Variants in SNTG1 observed in about 807,000 individuals in gnomAD.
SNTG1 encodes the protein gamma-1-syntrophin.
Under a neutral mutation model 74.7 loss-of-function variants are expected in SNTG1, and 39 were observed. The ratio of observed to expected loss-of-function variants is 0.52; its 90% confidence interval spans 0.40 to 0.68. The LOEUF (loss-of-function observed/expected upper bound fraction) is 0.68. Ranked by LOEUF, SNTG1 falls within the 30% of genes least tolerant of loss-of-function variation. The pLI, the probability that SNTG1 is intolerant of heterozygous loss-of-function variation, is 0.00. For synonymous variants in SNTG1, 254 were observed against 217.1 expected (o/e 1.17, Z -1.49); for missense variants, 685 against 609.5 (o/e 1.12, Z -1.30).
intron 1 of SNTG1, among the ~76,000 whole-genome samples, chr8:50,001,047 G>A (rs554996073): frequency 1.6e-4 from 24 of 152,310 alleles, no homozygotes; most frequent in African/African-American, 5.1e-4. Flanking sequence ...TCAGTCATAC[G>A]CCACTGCATT....
intron 8 of SNTG1, among the ~76,000 whole-genome samples, chr8:50,481,148 C>A (rs551123673): frequency 6.6e-6 from 1 of 152,110 alleles, no homozygotes; most frequent in African/African-American, 2.4e-5. Context: ...TTTGGGAAGC[C>A]GAGGCGGGTG....
At chr8:50,625,811 T>G (rs367942697) in intron 13 of SNTG1, among the ~76,000 whole-genome samples, 27 of 152,354 alleles carry the variant, frequency 1.8e-4, no homozygotes, top group African/African-American at 5.8e-4. Context: ...AAATTTGTCA[T>G]AAAATTCTTA....
chr8:50,544,962 A>T (rs1441137114), intron 11 of SNTG1, among the ~76,000 whole-genome samples: 5 of 152,010 alleles, frequency 3.3e-5, no homozygotes, highest in African/African-American at 1.2e-4. Context: ...ATATGTATAT[A>T]TGAATGTAAT....
intron 13 of SNTG1, among the ~76,000 whole-genome samples, chr8:50,594,944 A>G (rs546143585): frequency 7.2e-5 from 11 of 151,962 alleles, no homozygotes; most frequent in Non-Finnish European, 1.2e-4. Context: ...TGGCTTACAT[A>G]ATAATGATGC....
intron 8 of SNTG1, among the ~76,000 whole-genome samples, chr8:50,457,331 C>T (rs1327268297): frequency 1.3e-5 from 2 of 152,164 alleles, no homozygotes; most frequent in Non-Finnish European, 2.9e-5. Context: ...AACGCATCCA[C>T]ACTGGCTCAG....
chr8:50,642,245 T>C (rs2095078071), intron 13 of SNTG1, among the ~76,000 whole-genome samples: 1 of 152,192 alleles, frequency 6.6e-6, no homozygotes, highest in Non-Finnish European at 1.5e-5. Flanking sequence ...TCTAAAGCCT[T>C]CCCTGCTGCC....
At chr8:50,165,787 AT>A (rs1372660805) in intron 1 of SNTG1, among the ~76,000 whole-genome samples, 3 of 152,210 alleles carry the variant, frequency 2.0e-5, no homozygotes, top group Admixed American at 1.3e-4. Flanking sequence ...ACCAATGGGC[AT>A]TACTAGTTGA....
intron 2 of SNTG1, among the ~76,000 whole-genome samples, chr8:50,256,812 G>A (rs1326092689): frequency 1.3e-5 from 2 of 152,036 alleles, no homozygotes; most frequent in African/African-American, 4.8e-5. Context: ...GTCTGTGTGT[G>A]TGTAGTTTCT....
intron 2 of SNTG1, among the ~76,000 whole-genome samples, chr8:50,353,346 T>C (rs978278106): frequency 7.2e-5 from 11 of 152,068 alleles, no homozygotes. Context: ...ATGGCGCATG[T>C]ATACATGTGT....
At chr8:50,590,264 T>G (rs2094683201) in intron 12 of SNTG1, among the ~76,000 whole-genome samples, 1 of 152,186 alleles carries the variant, frequency 6.6e-6, no homozygotes, top group Non-Finnish European at 1.5e-5. Flanking sequence ...GAAGAAAGAC[T>G]TTGTGTAATG....
At chr8:50,553,022 T>C (rs1257067506) in intron 11 of SNTG1, 28 bp from the exon 12 acceptor site, 1 of 1,612,548 alleles carries the variant, frequency 6.2e-7, no homozygotes, top group Non-Finnish European at 8.5e-7. Context: ...CATGAGGTTT[T>C]GATCTGATTT....
chr8:50,169,891 T>G (rs892591951), intron 1 of SNTG1, among the ~76,000 whole-genome samples: 4 of 152,168 alleles, frequency 2.6e-5, no homozygotes, highest in African/African-American at 9.7e-5. Context: ...CAGTGAGTTA[T>G]GCACTGAGTG....
intron 18 of SNTG1, among the ~76,000 whole-genome samples, chr8:50,779,933 A>T (rs1177625164): frequency 3.3e-5 from 5 of 151,934 alleles, no homozygotes; most frequent in African/African-American, 1.2e-4. Context: ...ATTTTGTCAA[A>T]GGCCTTTTCT....
chr8:50,391,158 A>T (rs1463897351), intron 2 of SNTG1, among the ~76,000 whole-genome samples: 1 of 152,146 alleles, frequency 6.6e-6, no homozygotes, highest in Non-Finnish European at 1.5e-5. Context: ...CAGTTTTCAA[A>T]GGGAATGCTT....
intron 13 of SNTG1, among the ~76,000 whole-genome samples, chr8:50,607,870 T>A (rs1386565455): frequency 6.6e-6 from 1 of 151,672 alleles, no homozygotes; most frequent in African/African-American, 2.4e-5. Context: ...AAATAATGCT[T>A]TACTGCATCT....
chr8:49,967,015 T>C (rs910574957), intron 1 of SNTG1, among the ~76,000 whole-genome samples: 1 of 152,212 alleles, frequency 6.6e-6, no homozygotes, highest in Non-Finnish European at 1.5e-5. Context: ...TTGTGCTTTC[T>C]TTACTATTTG....
intron 2 of SNTG1, among the ~76,000 whole-genome samples, chr8:50,294,239 C>T (rs1368827740): frequency 6.6e-6 from 1 of 152,008 alleles, no homozygotes; most frequent in African/African-American, 2.4e-5. Flanking sequence ...TCAAATAGAC[C>T]AGTAAGAACC....
At chr8:50,068,994 C>CA (rs1324661117) in intron 1 of SNTG1, among the ~76,000 whole-genome samples, 4 of 152,072 alleles carry the variant, frequency 2.6e-5, no homozygotes, top group Non-Finnish European at 5.9e-5. Context: ...TGAAAACAAG[C>CA]AAAAAATCAT....
At chr8:50,778,426 T>C (rs1037082966) in intron 18 of SNTG1, among the ~76,000 whole-genome samples, 3 of 151,936 alleles carry the variant, frequency 2.0e-5, no homozygotes, top group Admixed American at 2.0e-4. Context: ...CTCATTGTGG[T>C]TTTGATTTGC....
Sources: gnomAD v4.1 joint callset for allele counts (sites outside exome capture counted in the v4.1 genomes callset) on GRCh38, gnomAD v4.1.1 for gene constraint, MANE v1.5 for transcripts, NCBI Gene and HGNC (gene_info 2026-07-23, HGNC 2026-07-21) for gene names.